The following NHSL2 variants were observed in gnomAD, a reference collection of about 807,000 sequenced individuals.
NHSL2 encodes NHS like 2, also known as NHS-like protein 2.
A neutral mutation model predicts 53.4 loss-of-function variants in NHSL2; 27 were observed. The ratio of observed to expected loss-of-function variants is 0.51; its 90% CI spans 0.37 to 0.70. NHSL2 has a LOEUF of 0.70. Ranked by LOEUF, NHSL2 falls within the 30% of genes least tolerant of loss-of-function variation. The pLI, the probability that NHSL2 is intolerant of heterozygous loss-of-function variation, is 0.00. For missense variants in NHSL2, 892 were observed against 980.1 expected (o/e 0.91, Z 1.20); for synonymous variants, 408 against 404.1 (o/e 1.01, Z -0.12).
At chrX:72,027,151 C>T (rs1285374527) in intron 1 of NHSL2, among the ~76,000 whole-genome samples, 1 of 112,317 alleles carries the variant, frequency 8.9e-6, no homozygotes, top group Admixed American at 9.4e-5. Flanking sequence ...TCTGCCAGTG[C>T]CAGGAAACTG....
At chrX:72,013,636 G>A (rs55913403) in intron 1 of NHSL2, among the ~76,000 whole-genome samples, 197 of 109,410 alleles carry the variant, frequency 1.8e-3, no homozygotes, top group African/African-American at 5.9e-3. Context: ...CAATCTGAGG[G>A]GGAAAGCATT....
intron 1 of NHSL2, among the ~76,000 whole-genome samples, chrX:71,982,888 G>C (rs904791309): frequency 8.9e-6 from 1 of 112,311 alleles, no homozygotes; most frequent in African/African-American, 3.2e-5. Context: ...AAGAAAAGAG[G>C]GGGTAATGGG....
chrX:72,128,291 G>A (rs968008791), intron 1 of NHSL2: 1 of 111,833 alleles, frequency 8.9e-6, no homozygotes, highest in African/African-American at 3.3e-5. Flanking sequence ...TGAGATTATC[G>A]GTCAGACTCC....
At chrX:72,060,139 TAGC>T (rs1320186706) in intron 1 of NHSL2, among the ~76,000 whole-genome samples, 7 of 112,349 alleles carry the variant, frequency 6.2e-5, no homozygotes, top group African/African-American at 1.9e-4. Context: ...GAAGTCCATC[TAGC>T]TGTGTGACCT....
At chrX:71,921,576 A>G (rs764142977) in intron 1 of NHSL2, among the ~76,000 whole-genome samples, 16 of 111,774 alleles carry the variant, frequency 1.4e-4, no homozygotes, top group Non-Finnish European at 2.1e-4. Flanking sequence ...ACCCACTAAC[A>G]TTTTAAACAA....
At chrX:71,988,585 C>A (rs6525562) in intron 1 of NHSL2, among the ~76,000 whole-genome samples, 1 of 110,308 alleles carries the variant, frequency 9.1e-6, no homozygotes, top group East Asian at 2.9e-4. Context: ...ACACTAACTC[C>A]CCTAAATTGG....
At chrX:72,130,308 C>T (rs1282977944) in intron 1 of NHSL2, 3 of 1,181,385 alleles carry the variant, frequency 2.5e-6, no homozygotes, top group Admixed American at 4.4e-5. Flanking sequence ...CATTCTTGTT[C>T]CTTATCTCCT....
At chrX:72,097,211 G>A (rs1197626368) in intron 1 of NHSL2, among the ~76,000 whole-genome samples, 1 of 112,149 alleles carries the variant, frequency 8.9e-6, no homozygotes, top group East Asian at 2.8e-4. Flanking sequence ...AGAGAAGAGG[G>A]CCCAAAAGGG....
At chrX:72,124,663 C>T (rs1187628641) in intron 1 of NHSL2, among the ~76,000 whole-genome samples, 2 of 111,313 alleles carry the variant, frequency 1.8e-5, no homozygotes, top group Non-Finnish European at 3.8e-5. Flanking sequence ...AGAGCATGGG[C>T]TCTGGATGTC....
At chrX:71,939,207 A>G in intron 1 of NHSL2, among the ~76,000 whole-genome samples, 1 of 111,131 alleles carries the variant, frequency 9.0e-6, no homozygotes, top group South Asian at 3.9e-4. Context: ...GGTAGAGGGG[A>G]GTGGGAGAAT....
intron 1 of NHSL2, chrX:72,045,035 GC>G (rs2042297903): frequency 4.2e-6 from 2 of 473,136 alleles, no homozygotes; most frequent in Admixed American, 6.8e-5. Flanking sequence ...CATGCTAGAA[GC>G]CCCCACGTGG....
At chrX:71,995,399 A>C (rs915331596) in intron 1 of NHSL2, among the ~76,000 whole-genome samples, 1 of 97,628 alleles carries the variant, frequency 1.0e-5, no homozygotes, top group Non-Finnish European at 2.2e-5. Context: ...TGAAAAGCCA[A>C]CGTCCTTACA....
chrX:72,023,882 G>T (rs761862365), intron 1 of NHSL2, among the ~76,000 whole-genome samples: 1 of 112,123 alleles, frequency 8.9e-6, no homozygotes, highest in South Asian at 3.7e-4. Context: ...AGCCAAGGCA[G>T]GAGCTGACAG....
chrX:71,981,628 T>C (rs905902182), intron 1 of NHSL2, among the ~76,000 whole-genome samples: 3 of 106,514 alleles, frequency 2.8e-5, no homozygotes, highest in South Asian at 4.0e-4. Context: ...AACTCAACAA[T>C]AAAAAGACAA....
chrX:72,085,022 G>C (rs756465134), intron 1 of NHSL2, among the ~76,000 whole-genome samples: 13 of 112,257 alleles, frequency 1.2e-4, no homozygotes, highest in Non-Finnish European at 2.4e-4. Flanking sequence ...GTGTACCAAA[G>C]ACCAGGTTTC....
At chrX:71,925,123 T>C (rs146426264) in intron 1 of NHSL2, among the ~76,000 whole-genome samples, 96 of 112,408 alleles carry the variant, frequency 8.5e-4, no homozygotes, top group Non-Finnish European at 1.6e-3. Context: ...TATTAGTTAA[T>C]GCCTACCCTT....
At chrX:72,069,267 G>T (rs1043450272) in intron 1 of NHSL2, among the ~76,000 whole-genome samples, 12 of 111,205 alleles carry the variant, frequency 1.1e-4, no homozygotes, top group African/African-American at 3.9e-4. Flanking sequence ...GGGTCCCGGG[G>T]GGTGCCTGTG....
At chrX:71,977,786 A>G (rs1479210894) in intron 1 of NHSL2, among the ~76,000 whole-genome samples, 2 of 112,150 alleles carry the variant, frequency 1.8e-5, no homozygotes, top group Non-Finnish European at 3.8e-5. Context: ...ACATTTAGAA[A>G]CTTTCCAAAG....
At chrX:72,105,660 T>C (rs1258979476) in intron 1 of NHSL2, among the ~76,000 whole-genome samples, 2 of 111,299 alleles carry the variant, frequency 1.8e-5, no homozygotes, top group African/African-American at 6.6e-5. Context: ...GTGACCTGCA[T>C]CTCAAAGAGG....
Sources: gnomAD v4.1 joint callset for allele counts (sites outside exome capture counted in the v4.1 genomes callset) on GRCh38, gnomAD v4.1.1 for gene constraint, MANE v1.5 for transcripts, NCBI Gene and HGNC (gene_info 2026-07-23, HGNC 2026-07-21) for gene names.